GPHN: variants seen among roughly 807,000 people sequenced by gnomAD.
The protein encoded by GPHN is gephyrin.
In GPHN, 17 loss-of-function variants were observed where a neutral mutation model predicts 95.5. That is an observed-to-expected ratio of 0.18 (90% CI 0.12 to 0.27). The LOEUF (loss-of-function observed/expected upper bound fraction) is 0.27, where lower values mean the gene tolerates loss of function less well. Among genes scored for constraint, GPHN ranks in the 10% least tolerant of loss-of-function variants. GPHN has a pLI of 1.00. For synonymous variants in GPHN, 320 were observed against 322.5 expected, an observed-to-expected ratio of 0.99 and a Z score of 0.08; for missense variants, 660 against 978.1, an observed-to-expected ratio of 0.67 and a Z score of 4.34.
chr14:66,713,594 A>T (rs2069876551), intron 2 of GPHN, among the ~76,000 whole-genome samples: 1 of 151,992 alleles, frequency 6.6e-6, no homozygotes, highest in Admixed American at 6.6e-5. Context: ...CTTTTTGCTT[A>T]GTCTTGCTTT....
chr14:66,931,140 AGTT>A (rs140005659), intron 8 of GPHN, among the ~76,000 whole-genome samples: 22,138 of 151,912 alleles, frequency 0.15, 3,046 homozygotes, highest in East Asian at 0.43. Flanking sequence ...GTAGGATAAA[AGTT>A]TTTTTCCTTC....
chr14:67,346,010 T>C, the GPHN span: 14 of 630,480 alleles, frequency 2.2e-5, 1 homozygote, highest in South Asian at 2.7e-4. Context: ...AAACATGAAG[T>C]GCCTATCTCA....
intron 1 of GPHN, among the ~76,000 whole-genome samples, chr14:66,662,561 C>T (rs563176836): frequency 5.2e-4 from 79 of 152,316 alleles, no homozygotes; most frequent in African/African-American, 1.7e-3. Flanking sequence ...GCCACAGTGC[C>T]CTCTTCTGTT....
intron 18 of GPHN, among the ~76,000 whole-genome samples, chr14:67,151,439 C>A (rs1048127619): frequency 3.3e-5 from 5 of 152,164 alleles, no homozygotes; most frequent in Non-Finnish European, 7.3e-5. Flanking sequence ...CAGAGATCAC[C>A]AAATGATTAG....
chr14:66,663,413 G>C (rs1022996547), intron 1 of GPHN, among the ~76,000 whole-genome samples: 2 of 152,142 alleles, frequency 1.3e-5, no homozygotes, highest in Non-Finnish European at 2.9e-5. Context: ...ATACTTTCCA[G>C]ACAAGCAAAT....
chr14:67,411,908 G>T, the GPHN span: 1 of 1,009,350 alleles, frequency 9.9e-7, no homozygotes, highest in Non-Finnish European at 1.4e-6. Flanking sequence ...GGGGGTTGGG[G>T]ATGGGAACCA....
intron 1 of GPHN, among the ~76,000 whole-genome samples, chr14:66,526,113 A>G (rs987533741): frequency 1.1e-4 from 16 of 152,196 alleles, no homozygotes; most frequent in Non-Finnish European, 1.9e-4. Flanking sequence ...CTCCCTATCC[A>G]TTAGCATGGA....
At chr14:66,740,396 T>A (rs998416975) in intron 2 of GPHN, among the ~76,000 whole-genome samples, 2 of 152,142 alleles carry the variant, frequency 1.3e-5, no homozygotes, top group African/African-American at 2.4e-5. Context: ...TAGTAAGATA[T>A]GTTATTTATT....
the GPHN span, among the ~76,000 whole-genome samples, chr14:67,551,466 A>G: frequency 6.6e-6 from 1 of 152,068 alleles, no homozygotes; most frequent in Non-Finnish European, 1.5e-5. Context: ...TATTATATAT[A>G]TATATTTTTT....
chr14:66,888,551 ATCT>A (rs1395682358), intron 5 of GPHN, among the ~76,000 whole-genome samples: 1 of 152,126 alleles, frequency 6.6e-6, no homozygotes, highest in Non-Finnish European at 1.5e-5. Context: ...GTTAAATGTA[ATCT>A]TCATAGTGGC....
At chr14:66,834,897 G>A (rs1256516568) in intron 4 of GPHN, among the ~76,000 whole-genome samples, 1 of 140,636 alleles carries the variant, frequency 7.1e-6, no homozygotes, top group Non-Finnish European at 1.5e-5. Flanking sequence ...GACTCTTTTT[G>A]GTTGGTAAGC....
At chr14:67,507,681 T>G in the GPHN span, among the ~76,000 whole-genome samples, 1 of 152,204 alleles carries the variant, frequency 6.6e-6, no homozygotes, top group Non-Finnish European at 1.5e-5. Flanking sequence ...GTGATTCTCC[T>G]GTTTCCATCT....
chr14:67,523,876 G>T, the GPHN span, among the ~76,000 whole-genome samples: 529 of 151,972 alleles, frequency 3.5e-3, 1 homozygote, highest in African/African-American at 0.012. Context: ...GTAATGTCAG[G>T]TATAGAGCTG....
the GPHN span, chr14:67,227,331 T>G: frequency 6.6e-6 from 1 of 151,506 alleles, no homozygotes; most frequent in African/African-American, 2.4e-5. Flanking sequence ...TCCCAGCTAC[T>G]CAGGAGGCTG....
At chr14:66,678,094 T>C (rs769368105) in intron 1 of GPHN, among the ~76,000 whole-genome samples, 2 of 152,148 alleles carry the variant, frequency 1.3e-5, no homozygotes, top group South Asian at 2.1e-4. Context: ...GTTGAGTATT[T>C]TGGGGACATT....
At chr14:66,738,621 C>T (rs1270548313) in intron 2 of GPHN, among the ~76,000 whole-genome samples, 5 of 152,054 alleles carry the variant, frequency 3.3e-5, no homozygotes, top group African/African-American at 1.2e-4. Flanking sequence ...TAGTTTTAAA[C>T]CCTCTGATGG....
chr14:67,202,035 C>G, the GPHN span, among the ~76,000 whole-genome samples: 1 of 152,222 alleles, frequency 6.6e-6, no homozygotes, highest in East Asian at 1.9e-4. Flanking sequence ...CTAGAGGTCT[C>G]TTCCTCAGGG....
the GPHN span, among the ~76,000 whole-genome samples, chr14:67,711,558 A>G: frequency 1.3e-5 from 2 of 152,180 alleles, no homozygotes; most frequent in Non-Finnish European, 2.9e-5. Flanking sequence ...GCTCTTTTAT[A>G]TATTTTCAGT....
At chr14:67,505,359 T>C in the GPHN span, among the ~76,000 whole-genome samples, 1 of 152,182 alleles carries the variant, frequency 6.6e-6, no homozygotes, top group African/African-American at 2.4e-5. Flanking sequence ...AAACTTGATG[T>C]CTGTCCCCTG....
Sources: gnomAD v4.1 joint callset for allele counts (sites outside exome capture counted in the v4.1 genomes callset) on GRCh38, gnomAD v4.1.1 for gene constraint, MANE v1.5 for transcripts, NCBI Gene and HGNC (gene_info 2026-07-23, HGNC 2026-07-21) for gene names.